Variants in ZNF107 observed in about 807,000 individuals in gnomAD.
The protein encoded by ZNF107 is C2H2 type zinc-finger protein.
In ZNF107, 19 loss-of-function variants were observed where a neutral mutation model predicts 12.3. That is an observed-to-expected ratio of 1.55 (90% CI 1.08 to 2.27). The LOEUF (loss-of-function observed/expected upper bound fraction) is 2.27, where lower values mean the gene tolerates loss of function less well. Among genes scored for constraint, ZNF107 ranks in the 30% most tolerant of loss-of-function variants. The pLI is 0.00. For missense variants in ZNF107, 958 were observed against 979.9 expected (o/e 0.98, Z 0.30); for synonymous variants, 317 against 330.5 (o/e 0.96, Z 0.44).
In ZNF107 at chr7:64,666,158, G is replaced by T. The variant is rs6460174; in HGVS notation, c.-125G>T. 1.5e-6 allele frequency: 2 copies of T among 1,330,238 alleles called. No individual in the cohort carries two copies. The highest frequency in any genetic ancestry group is 1.8e-5 in the Admixed American group (1 of 55,950). The allele number at this position is 1,330,238 out of a possible 1,614,324, so 82.4% of individuals were successfully genotyped here. A position where few individuals can be genotyped will look rare whatever the true frequency, so the allele number is the denominator to read the frequency against. On this transcript the variant is annotated 5_prime_UTR_variant, in exon 1 of 4. Transcript: ENST00000620827. ...GCCTTTGTCTCTGGCTGCAGCCGGA[G>T]CTCCTGCTCTCCTCCTCACTGCTCA... is the stretch of plus-strand genomic sequence containing the variant.
chr7:64,668,717 G>A (rs1789103983), intron 1 of ZNF107, among the ~76,000 whole-genome samples: 1 of 151,992 alleles, frequency 6.6e-6, no homozygotes, highest in African/African-American at 2.4e-5. Flanking sequence ...CCCAGACTTA[G>A]TTTAGGAATT....
At chr7:64,702,682 G>A (rs991085192) in intron 3 of ZNF107, among the ~76,000 whole-genome samples, 2 of 151,504 alleles carry the variant, frequency 1.3e-5, no homozygotes, top group African/African-American at 2.4e-5. Flanking sequence ...CTCAGCCTCC[G>A]GAGTAGCTGG....
At chr7:64,706,223 A>G in intron 3 of ZNF107, 101 bp from the exon 4 acceptor site, 4 of 1,134,044 alleles carry the variant, frequency 3.5e-6, no homozygotes, top group Non-Finnish European at 4.8e-6. Flanking sequence ...TTTGCTATGC[A>G]ATCTGGCTTA....
intron 3 of ZNF107, among the ~76,000 whole-genome samples, chr7:64,696,235 T>C (rs1790281538): frequency 1.3e-5 from 2 of 152,258 alleles, no homozygotes; most frequent in East Asian, 3.9e-4. Context: ...GTATTTTTAG[T>C]AGAGACGGGG....
Position 64,706,459 on chromosome 7 carries a change from A to T in ZNF107, c.362A>T (p.Asp121Val), listed in dbSNP as rs1258492857. ...LQLRKGCKHV[D>V]ECTGHKGGHN... ...TTAAGAAAAGGCTGTAAACATGTGGATGAGTGTACGGGGCACAAAGGAGGT... is the reference window on the plus strand; with the variant it reads ...TTAAGAAAAGGCTGTAAACATGTGGTTGAGTGTACGGGGCACAAAGGAGGT... Residue 121 changes from aspartate to valine, a missense_variant, in exon 4 of 4, where the codon GAT (aspartate) becomes GTT (valine). Physicochemically the swap from Asp to Val is radical, Grantham distance 152. Coordinates refer to ENST00000620827, the MANE Select transcript of ZNF107 (RefSeq NM_001282359.2). 1 of 1,613,808 alleles carries T rather than the reference A, an allele frequency of 6.2e-7. No individual in the cohort carries two copies. The highest frequency in any genetic ancestry group is 8.5e-7 in the Non-Finnish European group (1 of 1,179,784).
At chr7:64,687,595 A>G (rs1402962600) in intron 1 of ZNF107, 1 of 980,914 alleles carries the variant, frequency 1.0e-6, no homozygotes, top group Non-Finnish European at 1.2e-6. Flanking sequence ...TTTGTCATGA[A>G]GATGTGAAAA....
At position 64,709,527 on chromosome 7, in the gene ZNF107, T is replaced by G; in HGVS notation, c.*871T>G. ...TAACATAAATCATACTGGTGAAAAATCCTAGAAATGTGAAAAATATCACAA... is the reference window on the plus strand; with the variant it reads ...TAACATAAATCATACTGGTGAAAAAGCCTAGAAATGTGAAAAATATCACAA... On this transcript the variant is annotated 3_prime_UTR_variant, in exon 4 of 4. Transcript: ENST00000620827. The G allele has an allele frequency of 2.8e-6, 1 of 363,216 alleles. No homozygotes were observed. Among genetic ancestry groups the G allele is most frequent in the South Asian group, 2.0e-5 (1 of 49,182 alleles). 22.5% of individuals were successfully genotyped at this position (363,216 alleles called of 1,614,324 possible). A position where few individuals can be genotyped will look rare whatever the true frequency, so the allele number is the denominator to read the frequency against.
chr7:64,707,412 A>C lies in ZNF107; in HGVS notation c.1315A>C (p.Asn439His). 1 of 1,613,364 alleles carries C rather than the reference A, an allele frequency of 6.2e-7. No homozygotes were observed. Among genetic ancestry groups the C allele is most frequent in the Non-Finnish European group, 8.5e-7 (1 of 1,179,676 alleles). The change falls in exon 4 of 4, where the codon AAC (asparagine) becomes CAC (histidine). Residue 439 changes from asparagine (N) to histidine (H), a missense_variant. Transcript: ENST00000620827. ...ECGKAFNQSSNLTEHKKIHTA... is the reference protein window; with the variant it reads ...ECGKAFNQSSHLTEHKKIHTA... ...TGGCAAAGCTTTTAACCAATCTTCA[A>C]ACCTTACTGAACATAAGAAAATTCA...
intron 1 of ZNF107, among the ~76,000 whole-genome samples, chr7:64,679,881 C>A (rs1468351678): frequency 6.6e-6 from 1 of 152,074 alleles, no homozygotes; most frequent in Non-Finnish European, 1.5e-5. Context: ...ACACTTCGGT[C>A]CCTCCCCAGC....
rs1316793581 is a variant in ZNF107, at chr7:64,711,154, T to C, written c.*2498T>C. On this transcript the variant is annotated 3_prime_UTR_variant, in exon 4 of 4. Transcript: ENST00000620827. ...ATCCCACATTACTCAAGGGTTTAGGTAAAAGAGGGTAACAGTATACTACTT... is the reference window on the plus strand; with the variant it reads ...ATCCCACATTACTCAAGGGTTTAGGCAAAAGAGGGTAACAGTATACTACTT... 1 of 152,278 alleles carries C rather than the reference T, an allele frequency of 6.6e-6. No homozygotes were observed. The highest frequency in any genetic ancestry group is 2.1e-4 in the South Asian group (1 of 4,830). The allele number at this position is 152,278 out of a possible 1,614,324, so 9.4% of individuals were successfully genotyped here.
rs776708641 is a variant in ZNF107 at position 64,707,227 on chromosome 7, C to T, written c.1130C>T (p.Ala377Val). 1.7e-5 allele frequency: 28 copies of T among 1,613,318 alleles called. No individual in the cohort carries two copies. Among genetic ancestry groups the T allele is most frequent in the Non-Finnish European group, 2.4e-5 (28 of 1,179,710 alleles). The part of the protein sequence containing the change: ...KLNKCEECDK[A>V]FNRSLKLTAH... ...AACAAATGTGAAGAATGTGACAAAG[C>T]TTTTAACCGATCCTTAAAACTTACT... is the stretch of plus-strand genomic sequence containing the variant. The change falls in exon 4 of 4, where the codon GCT becomes GTT. Residue 377 changes from alanine to valine, a missense_variant. Coordinates refer to ENST00000620827, the MANE Select transcript of ZNF107 (RefSeq NM_001282359.2).
In ZNF107 at chr7:64,690,830, C is replaced by T. The variant is rs566414921; in HGVS notation, c.4-418C>T. On this transcript the variant is annotated intron_variant, in intron 1 of 3. Coordinates refer to ENST00000620827, the MANE Select transcript of ZNF107 (RefSeq NM_001282359.2). ...AATCTCAGCTCACTGCAGCTTTTGC[C>T]TCCCGGGTTCCAGCAATTCTCCTGC... Among the ~76,000 whole-genome samples, 8 of 152,174 alleles carry T rather than the reference C, an allele frequency of 5.3e-5. No homozygotes were observed. In the South Asian group the frequency reaches 1.7e-3, roughly 32 times the overall value.
intron 3 of ZNF107, among the ~76,000 whole-genome samples, chr7:64,699,362 G>T (rs1447696376): frequency 6.6e-6 from 1 of 152,026 alleles, no homozygotes; most frequent in African/African-American, 2.4e-5. Flanking sequence ...TAATTAGTAG[G>T]TTTATTCAGT....
chr7:64,685,158 C>A (rs546257827), intron 1 of ZNF107, among the ~76,000 whole-genome samples: 1 of 152,286 alleles, frequency 6.6e-6, no homozygotes, highest in East Asian at 1.9e-4. Context: ...CCAGCCTCAC[C>A]CATTACACAA....
intron 1 of ZNF107, chr7:64,679,447 A>T: frequency 1.2e-6 from 1 of 815,050 alleles, no homozygotes; most frequent in Non-Finnish European, 1.5e-6. Context: ...CTGGGAAGAC[A>T]GGCTTCCCTA....
chr7:64,705,695 G>T, intron 3 of ZNF107, among the ~76,000 whole-genome samples: 1 of 119,330 alleles, frequency 8.4e-6, no homozygotes. Context: ...AAATTTTCTA[G>T]CTTTTTTTTT....
At position 64,707,235 on chromosome 7, in the gene ZNF107, C is replaced by T. The variant is rs1286236548; in HGVS notation, c.1138C>T (p.Arg380Ter). Residue 380 changes from arginine (R) to a stop codon, truncating the protein, a stop_gained, in exon 4 of 4, where the codon CGA (arginine) becomes TGA (stop). Coordinates refer to ENST00000620827, the MANE Select transcript of ZNF107 (RefSeq NM_001282359.2). LOFTEE classifies it low-confidence loss of function (END_TRUNC). The part of the protein sequence containing the change: ...KCEECDKAFN[R>*]SLKLTAHKKI... ...TGAAGAATGTGACAAAGCTTTTAACCGATCCTTAAAACTTACTGCACATAA... is the reference window on the plus strand; with the variant it reads ...TGAAGAATGTGACAAAGCTTTTAACTGATCCTTAAAACTTACTGCACATAA... The T allele has an allele frequency of 1.5e-5, 24 of 1,613,024 alleles. No individual in the cohort carries two copies. The highest frequency in any genetic ancestry group is 2.2e-5 in the East Asian group (1 of 44,816).
chr7:64,671,564 G>A (rs1789222409), intron 1 of ZNF107, among the ~76,000 whole-genome samples: 1 of 152,018 alleles, frequency 6.6e-6, no homozygotes, highest in African/African-American at 2.4e-5. Context: ...GCCCCATCTG[G>A]GCCACTATCT....
At position 64,701,436 on chromosome 7, in the gene ZNF107, A is replaced by ATT. The variant is rs71778819; in HGVS notation, c.227-4877_227-4876dup. Among the ~76,000 whole-genome samples the ATT allele has an allele frequency of 4.7e-4, 68 of 144,248 alleles. No individual in the cohort carries two copies. In the East Asian group the frequency reaches 5.0e-3, roughly 11 times the overall value. The allele number at this position is 144,248 out of a possible 152,430, so 94.6% of individuals were successfully genotyped here. A position where few individuals can be genotyped will look rare whatever the true frequency, so the allele number is the denominator to read the frequency against. The stretch of plus-strand genomic sequence containing the variant: ...GCCACCATGCCTGGCTAATTTTTGT[A>ATT]TTTTTTTTTTTTCTAGTAGAGACAG... On this transcript the variant is annotated intron_variant, in intron 3 of 3. Transcript: ENST00000620827.
Sources: allele counts gnomAD v4.1 joint callset (sites outside exome capture counted in the v4.1 genomes callset), GRCh38; gene constraint gnomAD v4.1.1; transcripts MANE v1.5; gene names NCBI Gene and HGNC (gene_info 2026-07-23, HGNC 2026-07-21).